Variants in RNF180 observed in about 807,000 individuals in gnomAD.
The protein encoded by RNF180 is ring finger protein 180, also known as E3 ubiquitin-protein ligase RNF180.
Under a neutral mutation model 59.2 loss-of-function variants are expected in RNF180, and 38 were observed. That is an observed-to-expected ratio of 0.64 (90% confidence interval 0.50 to 0.84). The LOEUF is 0.84. Ranked by LOEUF, RNF180 falls within the 40% of genes least tolerant of loss-of-function variation. The pLI is 0.00. For synonymous variants in RNF180, 262 were observed against 240.3 expected, an observed-to-expected ratio of 1.09 and a Z score of -0.84; for missense variants, 705 against 700.9, an observed-to-expected ratio of 1.01 and a Z score of -0.07.
At chr5:64,326,318 GA>G (rs1308906048) in intron 6 of RNF180, among the ~76,000 whole-genome samples, 2 of 151,858 alleles carry the variant, frequency 1.3e-5, no homozygotes, top group Admixed American at 6.6e-5. Flanking sequence ...AAACTAAATG[GA>G]ATTATTAATA....
chr5:64,225,645 GGGAAGTGAGGAGC>G (rs1408407240), intron 5 of RNF180, among the ~76,000 whole-genome samples: 1 of 145,434 alleles, frequency 6.9e-6, no homozygotes, highest in South Asian at 2.2e-4. Flanking sequence ...CGCCCCGTCT[GGGAAGTGAGGAGC>G]GCCTCTGCCC....
chr5:64,282,894 C>T lies in RNF180; in HGVS notation c.1228-42292C>T, dbSNP rs140372457. The stretch of plus-strand genomic sequence containing the variant: ...GTGGTTGTTATGATTTCAGTTTCTT[C>T]AATTTGAGAATTGTTTTGTGGTTGA... On this transcript the variant is annotated intron_variant, in intron 5 of 7. Transcript: ENST00000389100. 4.6e-5 allele frequency among the ~76,000 whole-genome samples: 7 copies of T among 152,202 alleles called. No homozygotes were observed. In the East Asian group the frequency reaches 1.3e-3, roughly 29 times the overall value.
At chr5:64,186,310 AT>A (rs1220038627) in intron 1 of RNF180, among the ~76,000 whole-genome samples, 2 of 152,166 alleles carry the variant, frequency 1.3e-5, no homozygotes, top group Non-Finnish European at 2.9e-5. Flanking sequence ...TATTATCAAC[AT>A]TTGGTTAAAA....
intron 1 of RNF180, among the ~76,000 whole-genome samples, chr5:64,178,053 A>C (rs778954216): frequency 6.6e-6 from 1 of 151,794 alleles, no homozygotes; most frequent in African/African-American, 2.4e-5. Context: ...AAAATACAAA[A>C]ATTAGCTGGG....
Position 64,256,586 on chromosome 5 carries a change from G to T in RNF180, c.1227+39190G>T, listed in dbSNP as rs578178327. Among the ~76,000 whole-genome samples, 246 of 152,306 alleles carry T rather than the reference G, an allele frequency of 1.6e-3. 2 individuals are homozygous for T. The highest frequency in any genetic ancestry group is 5.4e-3 in the African/African-American group (226 of 41,566). On this transcript the variant is annotated intron_variant, in intron 5 of 7. Coordinates refer to ENST00000389100, the MANE Select transcript of RNF180 (RefSeq NM_001113561.2). ...ATCTCTGTTTTGGTACCAGTACCAT[G>T]CTGTTTTGTTTACTGCAGCCTTGCA...
intron 5 of RNF180, among the ~76,000 whole-genome samples, chr5:64,264,510 T>C (rs1744542225): frequency 6.6e-6 from 1 of 152,154 alleles, no homozygotes; most frequent in African/African-American, 2.4e-5. Context: ...GTTAGTTTGC[T>C]GAGAATGATG....
At chr5:64,171,488 G>A (rs1008957751) in intron 1 of RNF180, among the ~76,000 whole-genome samples, 1 of 152,206 alleles carries the variant, frequency 6.6e-6, no homozygotes. Context: ...TACATGCTTG[G>A]TGGGAGTGGA....
chr5:64,218,103 A>G (rs1752732655), intron 5 of RNF180, among the ~76,000 whole-genome samples: 1 of 152,042 alleles, frequency 6.6e-6, no homozygotes, highest in African/African-American at 2.4e-5. Context: ...TTTTTCCTGT[A>G]GAGCCAACCT....
chr5:64,229,097 G>A (rs1046268667), intron 5 of RNF180, among the ~76,000 whole-genome samples: 1 of 151,648 alleles, frequency 6.6e-6, no homozygotes, highest in Admixed American at 6.6e-5. Flanking sequence ...AAGTTATTGT[G>A]TATTTTTTGT....
chr5:64,357,406 A>C (rs566161933), intron 7 of RNF180, among the ~76,000 whole-genome samples: 2 of 151,976 alleles, frequency 1.3e-5, no homozygotes, highest in African/African-American at 4.8e-5. Flanking sequence ...TATCCGTCCC[A>C]TCATATTTGA....
At chr5:64,198,236 A>G (rs905837579) in intron 1 of RNF180, among the ~76,000 whole-genome samples, 6 of 152,164 alleles carry the variant, frequency 3.9e-5, no homozygotes, top group Middle Eastern at 3.2e-3. Flanking sequence ...GGACATCTCA[A>G]TTTAGATAAC....
At chr5:64,338,910 A>C (rs1249473608) in intron 7 of RNF180, among the ~76,000 whole-genome samples, 1 of 152,142 alleles carries the variant, frequency 6.6e-6, no homozygotes, top group Non-Finnish European at 1.5e-5. Context: ...ACATTAGAAC[A>C]CTGCTAGATT....
chr5:64,240,802 C>G (rs1561211475), intron 5 of RNF180, among the ~76,000 whole-genome samples: 2 of 152,208 alleles, frequency 1.3e-5, no homozygotes, highest in Admixed American at 6.5e-5. Context: ...ACTCAAATGT[C>G]ACTTCCTTAG....
At chr5:64,197,979 A>C (rs1751541954) in intron 1 of RNF180, among the ~76,000 whole-genome samples, 1 of 152,110 alleles carries the variant, frequency 6.6e-6, no homozygotes, top group African/African-American at 2.4e-5. Context: ...CCAAGATCTA[A>C]ATGATGAGAA....
At chr5:64,250,845 A>G (rs1743522217) in intron 5 of RNF180, among the ~76,000 whole-genome samples, 2 of 152,176 alleles carry the variant, frequency 1.3e-5, no homozygotes, top group Non-Finnish European at 2.9e-5. Context: ...AATACTTTCA[A>G]ACTCATTTAT....
intron 7 of RNF180, among the ~76,000 whole-genome samples, chr5:64,360,962 A>G (rs1284592917): frequency 6.6e-6 from 1 of 151,632 alleles, no homozygotes; most frequent in Non-Finnish European, 1.5e-5. Flanking sequence ...TTCTAATACA[A>G]ACAAACCTAT....
rs564848371 is a variant in RNF180 at position 64,250,111 on chromosome 5, A to C, written c.1227+32715A>C. 6.6e-5 allele frequency among the ~76,000 whole-genome samples: 10 copies of C among 152,278 alleles called. No individual in the cohort carries two copies. The East Asian group carries it at 1.9e-3, about 29-fold the overall frequency. ...ATTTTTAAAAATTGAAATACTATTA[A>C]GTGTCTTCTCTGTCCATGTAGTGTA... On this transcript the variant is annotated intron_variant, in intron 5 of 7. Coordinates refer to ENST00000389100, the MANE Select transcript of RNF180 (RefSeq NM_001113561.2).
intron 5 of RNF180, among the ~76,000 whole-genome samples, chr5:64,313,534 TC>T (rs879684184): frequency 7.9e-5 from 12 of 152,192 alleles, no homozygotes; most frequent in Non-Finnish European, 1.3e-4. Flanking sequence ...TGTGTACATT[TC>T]CTTTATCCAG....
intron 1 of RNF180, among the ~76,000 whole-genome samples, chr5:64,199,279 T>C (rs1364534578): frequency 6.6e-6 from 1 of 152,218 alleles, no homozygotes; most frequent in African/African-American, 2.4e-5. Flanking sequence ...GCCAGAGTTC[T>C]TTAAGTCCTA....
Sources: allele counts gnomAD v4.1 joint callset (sites outside exome capture counted in the v4.1 genomes callset), GRCh38; gene constraint gnomAD v4.1.1; transcripts MANE v1.5; gene names NCBI Gene and HGNC (gene_info 2026-07-23, HGNC 2026-07-21).